The following BRF1 variants were observed in gnomAD, a reference collection of about 807,000 sequenced individuals.
BRF1 encodes BRF1 general transcription factor IIIB subunit.
In BRF1, 59 loss-of-function variants were observed where a neutral mutation model predicts 81.7. The ratio of observed to expected loss-of-function variants is 0.72; its 90% CI spans 0.59 to 0.90. The LOEUF is 0.90. BRF1 is among the 40% of genes least tolerant of loss of function. The probability of loss-of-function intolerance (pLI) is 0.00; values close to 1 mark genes in which losing one functional copy is unlikely to be tolerated. For synonymous variants in BRF1, 491 were observed against 395.6 expected (o/e 1.24, Z -2.86); for missense variants, 1,050 against 936.3 (o/e 1.12, Z -1.58).
intron 2 of BRF1, among the ~76,000 whole-genome samples, chr14:105,279,484 C>A (rs910414354): frequency 1.3e-5 from 2 of 152,290 alleles, no homozygotes; most frequent in African/African-American, 4.8e-5. Context: ...CCAGGGAAAG[C>A]GAATTAATGC....
chr14:105,290,810 C>G (rs1355425312), intron 1 of BRF1, among the ~76,000 whole-genome samples: 1 of 151,940 alleles, frequency 6.6e-6, no homozygotes, highest in African/African-American at 2.4e-5. Flanking sequence ...CCCTGTCCCC[C>G]AACACCACAG....
intron 2 of BRF1, among the ~76,000 whole-genome samples, chr14:105,275,716 G>C (rs994377603): frequency 3.9e-5 from 6 of 152,264 alleles, no homozygotes; most frequent in Non-Finnish European, 8.8e-5. Flanking sequence ...AGCATGCAGG[G>C]CTGCTATGGT....
chr14:105,222,938 T>C (rs930831485), intron 10 of BRF1, among the ~76,000 whole-genome samples: 1 of 152,164 alleles, frequency 6.6e-6, no homozygotes, highest in Non-Finnish European at 1.5e-5. Context: ...GACAACCTGA[T>C]CATTTCTTAA....
At chr14:105,214,558 A>ACACCCCTGCGTG (rs1890756475) in intron 15 of BRF1, among the ~76,000 whole-genome samples, 1 of 151,716 alleles carries the variant, frequency 6.6e-6, no homozygotes, top group African/African-American at 2.4e-5. Flanking sequence ...TGAGTGGCCC[A>ACACCCCTGCGTG]GCTCAGGTTC....
intron 5 of BRF1, among the ~76,000 whole-genome samples, chr14:105,246,551 C>T (rs1331832487): frequency 1.3e-5 from 2 of 152,120 alleles, no homozygotes; most frequent in Non-Finnish European, 2.9e-5. Context: ...CTCACTGCAA[C>T]CTCCGCCTCC....
intron 3 of BRF1, among the ~76,000 whole-genome samples, chr14:105,265,164 G>A (rs1027717481): frequency 2.7e-5 from 4 of 150,460 alleles, no homozygotes; most frequent in Non-Finnish European, 5.9e-5. Context: ...CTTGACCCCT[G>A]GGCTTAAGTG....
At chr14:105,267,338 C>G (rs587726730) in intron 3 of BRF1, among the ~76,000 whole-genome samples, 1 of 151,612 alleles carries the variant, frequency 6.6e-6, no homozygotes, top group South Asian at 2.1e-4. Context: ...GGGGCTCACT[C>G]TATTGCCTAG....
rs2058471850 is a variant in BRF1, at chr14:105,314,616, A to T, written c.-162+706T>A. 3.5e-5 allele frequency: 5 copies of T among 142,084 alleles called. No individual in the cohort carries two copies. The South Asian group carries it at 1.1e-3, about 31-fold the overall frequency. The allele number at this position is 142,084 out of a possible 1,614,324, so 8.8% of individuals were successfully genotyped here. On this transcript the variant is annotated intron_variant, in intron 1 of 17. Transcript: ENST00000327359. Reference sequence around the variant, plus strand: ...GCTGCGCCGGCGGCGATTGGACCCGAGGCGGCGAGCTGGCGCCCCGCCCAG... The same window carrying T: ...GCTGCGCCGGCGGCGATTGGACCCGTGGCGGCGAGCTGGCGCCCCGCCCAG...
intron 5 of BRF1, chr14:105,249,447 G>T (rs759732279): frequency 5.0e-6 from 8 of 1,613,600 alleles, no homozygotes; most frequent in South Asian, 1.1e-5. Context: ...CATTCCAGAC[G>T]TGGAGCCCGC....
intron 3 of BRF1, among the ~76,000 whole-genome samples, chr14:105,264,759 C>T (rs1028885076): frequency 5.3e-5 from 8 of 150,470 alleles, no homozygotes; most frequent in Non-Finnish European, 8.9e-5. Flanking sequence ...GAGGATTGCT[C>T]GAGCCTGGGA....
chr14:105,262,036 C>T (rs2056184273), intron 3 of BRF1, among the ~76,000 whole-genome samples: 1 of 152,212 alleles, frequency 6.6e-6, no homozygotes, highest in Non-Finnish European at 1.5e-5. Flanking sequence ...AGTGCCCAGC[C>T]CCAACCCACC....
chr14:105,217,786 G>C lies in BRF1; in HGVS notation c.1530C>G (p.Cys510Trp). The C allele has an allele frequency of 1.2e-6, 2 of 1,612,034 alleles. No individual in the cohort carries two copies. Among genetic ancestry groups the C allele is most frequent in the Non-Finnish European group, 1.7e-6 (2 of 1,179,258 alleles). The change falls in exon 15 of 18, where the codon TGC becomes TGG. Residue 510 changes from cysteine to tryptophan, a missense_variant. This residue lies in a region of BRF1 where 1,043 missense variants were observed against 915.4 expected (regional missense o/e 1.14). Coordinates refer to ENST00000547530, the MANE Select transcript of BRF1 (RefSeq NM_001519.4). ...IYKEHKPKKSCKRREPIQAST... is the reference protein window; with the variant it reads ...IYKEHKPKKSWKRREPIQAST... ...TGGCCTGAATTGGCTCCCGTCGCTT[G>C]CAAGACTTCTTGGGCTTGAGGGAAA...
At chr14:105,247,812 T>C (rs931461808) in intron 5 of BRF1, 5 of 985,594 alleles carry the variant, frequency 5.1e-6, no homozygotes, top group Non-Finnish European at 6.0e-6. Flanking sequence ...ATGCACCAGC[T>C]GTGCGGCCCA....
At chr14:105,214,037 G>A (rs1034844086) in intron 15 of BRF1, among the ~76,000 whole-genome samples, 1 of 152,346 alleles carries the variant, frequency 6.6e-6, no homozygotes, top group Admixed American at 6.5e-5. Context: ...CTGAGGATGT[G>A]GGGCGCTGCG....
At chr14:105,256,572 T>C (rs369273015) in intron 3 of BRF1, 23 bp from the exon 4 acceptor site, 55 of 1,610,530 alleles carry the variant, frequency 3.4e-5, no homozygotes, top group Middle Eastern at 3.5e-4. Context: ...TCAAGGATCC[T>C]GTCGAGTGGC....
Position 105,217,374 on chromosome 14 carries a change from T to C in BRF1, c.1772+170A>G. On this transcript the variant is annotated intron_variant, in intron 15 of 17. Coordinates refer to ENST00000547530, the MANE Select transcript of BRF1 (RefSeq NM_001519.4). ...GCCAGGCCAAGGAGAGTTGAGACAC[T>C]GTCAAGGTGCCGGAGAAGGCCCACC... 5.6e-6 allele frequency: 6 copies of C among 1,063,518 alleles called. No individual in the cohort carries two copies. The South Asian group carries it at 9.7e-5, about 17-fold the overall frequency. The allele number at this position is 1,063,518 out of a possible 1,614,324, so 65.9% of individuals were successfully genotyped here.
intron 2 of BRF1, among the ~76,000 whole-genome samples, chr14:105,273,884 G>T (rs1218369026): frequency 6.6e-6 from 1 of 152,208 alleles, no homozygotes; most frequent in Non-Finnish European, 1.5e-5. Flanking sequence ...CCGTCCCCCA[G>T]CCCGACACCC....
intron 16 of BRF1, chr14:105,211,829 TC>T: frequency 1.9e-6 from 1 of 520,590 alleles, no homozygotes; most frequent in Non-Finnish European, 3.5e-6. Flanking sequence ...ACATACAGGC[TC>T]CCTGCAGGCA....
At position 105,309,543 on chromosome 14, in the gene BRF1, A is replaced by G. The variant is rs1406355178; in HGVS notation, c.-162+5779T>C. ...TGTCCCTGTTGACATTTCCAGTGTCACCTGCAGGATGCCATGGGATACCCA... is the reference window on the plus strand; with the variant it reads ...TGTCCCTGTTGACATTTCCAGTGTCGCCTGCAGGATGCCATGGGATACCCA... On this transcript the variant is annotated intron_variant, in intron 1 of 17. Coordinates refer to the BRF1 transcript ENST00000327359. The surrounding 1 kb of genome is among the most constrained non-coding windows in gnomAD (Gnocchi z 4.0). Among the ~76,000 whole-genome samples the G allele has an allele frequency of 6.6e-6, 1 of 152,054 alleles. No individual in the cohort carries two copies. Among genetic ancestry groups the G allele is most frequent in the Non-Finnish European group, 1.5e-5 (1 of 68,028 alleles).
Sources: gnomAD v4.1 joint callset for allele counts (sites outside exome capture counted in the v4.1 genomes callset) on GRCh38, gnomAD v4.1.1 for gene constraint, gnomAD v4.1.1 regional missense constraint, Gnocchi (gnomAD v3.1) non-coding constraint, MANE v1.5 for transcripts, NCBI Gene and HGNC (gene_info 2026-07-23, HGNC 2026-07-21) for gene names.